CCDC68: variants seen among roughly 807,000 people sequenced by gnomAD.
The protein encoded by CCDC68 is coiled-coil domain-containing protein 68.
A neutral mutation model predicts 47.1 loss-of-function variants in CCDC68; 45 were observed. The ratio of observed to expected loss-of-function variants is 0.96; its 90% CI spans 0.75 to 1.23. The LOEUF is 1.23. Among genes scored for constraint, CCDC68 ranks in the 50% most tolerant of loss-of-function variants. CCDC68 has a pLI of 0.00. For missense variants in CCDC68, 353 were observed against 373.6 expected (o/e 0.94, Z 0.45); for synonymous variants, 131 against 129.5 (o/e 1.01, Z -0.08).
intron 8 of CCDC68, among the ~76,000 whole-genome samples, chr18:54,920,590 A>G (rs887780364): frequency 2.0e-5 from 3 of 152,218 alleles, no homozygotes; most frequent in Non-Finnish European, 4.4e-5. Context: ...ATTTTGTTTC[A>G]TATAATGGAC....
At chr18:54,942,609 C>G in intron 3 of CCDC68, 66 bp downstream of exon 3, 3 of 978,812 alleles carry the variant, frequency 3.1e-6, no homozygotes, top group Non-Finnish European at 3.2e-6. Context: ...ACAAAATCCT[C>G]CAGCCCATAT....
intron 7 of CCDC68, among the ~76,000 whole-genome samples, chr18:54,934,176 A>G (rs2044307274): frequency 6.6e-6 from 1 of 152,230 alleles, no homozygotes; most frequent in African/African-American, 2.4e-5. Context: ...CAAATTCTAA[A>G]TTCTATGGCA....
intron 8 of CCDC68, among the ~76,000 whole-genome samples, chr18:54,919,735 A>G (rs2044021401): frequency 6.6e-6 from 1 of 152,240 alleles, no homozygotes; most frequent in South Asian, 2.1e-4. Context: ...AACTTCACAG[A>G]CAATTGCATG....
chr18:54,917,969 CTT>C lies in CCDC68; in HGVS notation c.815_816del (p.Lys272ArgfsTer7), dbSNP rs1476059853. 4.5e-6 allele frequency: 7 copies of C among 1,545,394 alleles called. No individual in the cohort carries two copies. The highest frequency in any genetic ancestry group is 3.5e-5 in the Admixed American group (2 of 57,830). On this transcript the variant is annotated frameshift_variant, in exon 10 of 12. Transcript: ENST00000591504. LOFTEE classifies it high-confidence loss of function. ...QEMEGLKNNL[K>X]EQDKRIENLR... ...AGATTTTCAATTCTTTTGTCTTGTT[CTT>C]TTAAATTATTTTTTAATCCTTCCAT...
intron 1 of CCDC68, among the ~76,000 whole-genome samples, chr18:54,950,570 C>A (rs1259325712): frequency 1.3e-5 from 2 of 152,118 alleles, no homozygotes; most frequent in African/African-American, 4.8e-5. Flanking sequence ...TATTCAACTA[C>A]ATGCTAATCA....
In CCDC68 at chr18:54,902,336, G is replaced by A. The variant is rs1201292952; in HGVS notation, c.*2022C>T. 6.6e-6 allele frequency: 1 copy of A among 152,192 alleles called. No individual in the cohort carries two copies. Among genetic ancestry groups the A allele is most frequent in the Non-Finnish European group, 1.5e-5 (1 of 68,028 alleles). The allele number at this position is 152,192 out of a possible 1,614,324, so 9.4% of individuals were successfully genotyped here. On this transcript the variant is annotated 3_prime_UTR_variant, in exon 12 of 12. Transcript: ENST00000591504. ...CAAGATTGTCAGGTCAGTTAAATAA[G>A]CCCATTCCAAAATCTGAAATTTATT...
rs755932828 is a variant in CCDC68 at position 54,919,340 on chromosome 18, C to G, written c.720G>C (p.Gln240His). 1 of 1,613,980 alleles carries G rather than the reference C, an allele frequency of 6.2e-7. No homozygotes were observed. The highest frequency in any genetic ancestry group is 1.1e-5 in the South Asian group (1 of 91,084). ...QDLQREISILQEQISHLQFVI... is the reference protein window; with the variant it reads ...QDLQREISILHEQISHLQFVI... Reference sequence around the variant, plus strand: ...CAAACTGCAGATGAGAGATCTGCTCCTGGAGAATGGAAATCTCCCTCTGAA... The same window carrying G: ...CAAACTGCAGATGAGAGATCTGCTCGTGGAGAATGGAAATCTCCCTCTGAA... Residue 240 changes from glutamine (Q) to histidine (H), a missense_variant, in exon 9 of 12, where the codon CAG (glutamine) becomes CAC (histidine). By Grantham distance (24) the Gln-to-His change is conservative. Coordinates refer to ENST00000591504, the MANE Select transcript of CCDC68 (RefSeq NM_025214.3).
At chr18:54,953,981 C>T (rs1240914130) in intron 1 of CCDC68, among the ~76,000 whole-genome samples, 2 of 18,568 alleles carry the variant, frequency 1.1e-4, no homozygotes, top group Admixed American at 5.7e-4. Context: ...CCCTCCCCTC[C>T]CCTCCCCTCC....
intron 6 of CCDC68, 50 bp from the exon 7 acceptor site, chr18:54,934,998 C>A: frequency 1.4e-6 from 2 of 1,405,668 alleles, no homozygotes; most frequent in South Asian, 1.8e-5. Context: ...TTTCTTAAAC[C>A]TATACACATA....
intron 1 of CCDC68, among the ~76,000 whole-genome samples, chr18:54,956,553 G>C (rs908555275): frequency 6.6e-6 from 1 of 152,184 alleles, no homozygotes; most frequent in African/African-American, 2.4e-5. Flanking sequence ...CATAGCCATG[G>C]CATGGAATAA....
At chr18:54,931,060 A>G (rs2044250739) in intron 7 of CCDC68, among the ~76,000 whole-genome samples, 1 of 151,424 alleles carries the variant, frequency 6.6e-6, no homozygotes, top group Non-Finnish European at 1.5e-5. Flanking sequence ...TTGGATTGTC[A>G]AAAAAAACAC....
chr18:54,942,963 T>G, intron 2 of CCDC68, 160 bp from the exon 3 acceptor site: 1 of 474,402 alleles, frequency 2.1e-6, no homozygotes. Flanking sequence ...CAGGAATTAA[T>G]TTAATATAAA....
intron 1 of CCDC68, among the ~76,000 whole-genome samples, chr18:54,946,343 C>A (rs913532312): frequency 6.6e-6 from 1 of 152,110 alleles, no homozygotes; most frequent in Non-Finnish European, 1.5e-5. Flanking sequence ...CGTTTGCTGA[C>A]CTTTGGGTTG....
At chr18:54,927,199 C>T (rs1423728941) in intron 8 of CCDC68, among the ~76,000 whole-genome samples, 1 of 152,142 alleles carries the variant, frequency 6.6e-6, no homozygotes, top group African/African-American at 2.4e-5. Flanking sequence ...TAAGTCATCA[C>T]AAATATGTAT....
At chr18:54,950,897 CTTTTTTTTTTTTTTTTT>C (rs869026740) in intron 1 of CCDC68, among the ~76,000 whole-genome samples, 4 of 61,946 alleles carry the variant, frequency 6.5e-5, no homozygotes, top group Admixed American at 2.8e-4. Flanking sequence ...ATTCAGATGT[CTTTTTTTTTTTTTTTTT>C]TTTTTTTTTT....
Position 54,955,708 on chromosome 18 carries a change from T to TTTTG in CCDC68, c.-103+3624_-103+3627dup, listed in dbSNP as rs529541597. Among the ~76,000 whole-genome samples, 415 of 152,118 alleles carry TTTTG rather than the reference T, an allele frequency of 2.7e-3. 1 individual carries two copies. Among genetic ancestry groups the TTTTG allele is most frequent in the South Asian group, 0.024 (116 of 4,806 alleles). ...GTTCTTGCAAAGTTAAGAAGTTCTT[T>TTTTG]TTTGTTTGTTTGTTTGTTTGTTTGT... On this transcript the variant is annotated intron_variant, in intron 1 of 11. Transcript: ENST00000591504.
At chr18:54,935,998 AAT>A (rs1183399138) in intron 6 of CCDC68, among the ~76,000 whole-genome samples, 2 of 151,652 alleles carry the variant, frequency 1.3e-5, no homozygotes, top group African/African-American at 4.8e-5. Context: ...AACAAAAAAG[AAT>A]ATGTTTGAGT....
chr18:54,920,676 T>A (rs1028909689), intron 8 of CCDC68, among the ~76,000 whole-genome samples: 2 of 152,182 alleles, frequency 1.3e-5, no homozygotes, highest in Non-Finnish European at 2.9e-5. Context: ...ATGGCTATTA[T>A]TAAAAAGTAA....
At chr18:54,954,609 T>G (rs2044680795) in intron 1 of CCDC68, 1 of 152,154 alleles carries the variant, frequency 6.6e-6, no homozygotes, top group South Asian at 2.1e-4. Context: ...TAAACCAACA[T>G]AGCTTGGTGA....
Sources: allele counts gnomAD v4.1 joint callset (sites outside exome capture counted in the v4.1 genomes callset), GRCh38; gene constraint gnomAD v4.1.1; transcripts MANE v1.5; gene names NCBI Gene and HGNC (gene_info 2026-07-23, HGNC 2026-07-21).